TARS2: variants seen among roughly 807,000 people sequenced by gnomAD.
TARS2 encodes threonine--tRNA ligase, mitochondrial.
In TARS2, 61 loss-of-function variants were observed where a neutral mutation model predicts 94.4. The ratio of observed to expected loss-of-function variants is 0.65; its 90% CI spans 0.53 to 0.80. The LOEUF is 0.80. Among genes scored for constraint, TARS2 ranks in the 30% least tolerant of loss-of-function variants. The probability of loss-of-function intolerance (pLI) is 0.00; values close to 1 mark genes in which losing one functional copy is unlikely to be tolerated. For synonymous variants in TARS2, 359 were observed against 353.4 expected (o/e 1.02, Z -0.18); for missense variants, 704 against 902.5 (o/e 0.78, Z 2.82).
intron 3 of TARS2, 88 bp from the exon 4 acceptor site, chr1:150,490,513 C>T: frequency 6.6e-7 from 1 of 1,511,868 alleles, no homozygotes; most frequent in Admixed American, 2.3e-5. Flanking sequence ...TACCGGCTTT[C>T]CTACCAGCTT....
chr1:150,496,884 T>G lies in TARS2; in HGVS notation c.996T>G (p.Tyr332Ter), dbSNP rs1465905716. The change falls in exon 9 of 18, where the codon TAT (tyrosine) becomes TAG (stop). Residue 332 changes from tyrosine (Y) to a stop codon, truncating the protein, a stop_gained. Coordinates refer to ENST00000369064, the MANE Select transcript of TARS2 (RefSeq NM_025150.5). LOFTEE classifies it high-confidence loss of function. ...TCCTGCCACGAGGGACAAGGGTGTA[T>G]AATGCACTAGTGGCGTTTATCAGGG... ...CFFLPRGTRV[Y>*]NALVAFIRAE... 1 of 1,614,030 alleles carries G rather than the reference T, an allele frequency of 6.2e-7. No homozygotes were observed.
chr1:150,503,644 T>TATGTGTGTGTAC (rs1670053748), intron 13 of TARS2, among the ~76,000 whole-genome samples: 1 of 117,406 alleles, frequency 8.5e-6, no homozygotes, highest in Non-Finnish European at 1.8e-5. Flanking sequence ...TGTGTGTATA[T>TATGTGTGTGTAC]ATGTGTGTAT....
In TARS2 at chr1:150,498,656, A is replaced by G. The variant is rs146798333; in HGVS notation, c.1393A>G (p.Thr465Ala). ...GGATGACGCTCACATCTTCTGTACA[A>G]CAGATCAGGTGGCCTTTCCCTGGCT... ...QQDDAHIFCT[T>A]DQLEAEIQSC... Residue 465 changes from threonine (T) to alanine (A), a missense_variant, in exon 11 of 18, where the codon ACA becomes GCA. Around this residue, in one of 3 missense-constraint regions of TARS2, gnomAD observed 466 missense variants for 609.5 expected, o/e 0.76. Transcript: ENST00000369064. 8 of 1,613,362 alleles carry G rather than the reference A, an allele frequency of 5.0e-6. No individual in the cohort carries two copies. The highest frequency in any genetic ancestry group is 5.9e-6 in the Non-Finnish European group (7 of 1,179,796).
intron 13 of TARS2, among the ~76,000 whole-genome samples, chr1:150,502,808 T>C (rs1489342526): frequency 6.6e-6 from 1 of 152,246 alleles, no homozygotes; most frequent in Non-Finnish European, 1.5e-5. Context: ...GGTATTTATT[T>C]ACCTGCTTCA....
Position 150,491,112 on chromosome 1 carries a change from A to G in TARS2, c.513-282A>G, listed in dbSNP as rs77531603. 3.3e-3 allele frequency among the ~76,000 whole-genome samples: 496 copies of G among 152,268 alleles called. 3 individuals carry two copies. Among genetic ancestry groups the G allele is most frequent in the African/African-American group, 0.011 (469 of 41,558 alleles). On this transcript the variant is annotated intron_variant, in intron 4 of 17. Coordinates refer to ENST00000369064, the MANE Select transcript of TARS2 (RefSeq NM_025150.5). ...CTTACTTTGTTACTTGTTAGCTTTC[A>G]TAAATTCAAGTTTTACTTAATCGCC...
intron 7 of TARS2, among the ~76,000 whole-genome samples, chr1:150,495,092 T>G (rs1669599266): frequency 6.6e-6 from 1 of 151,716 alleles, no homozygotes; most frequent in Non-Finnish European, 1.5e-5. Flanking sequence ...GGCAGGAGAA[T>G]GGCGTGAACC....
rs1670169075 is a variant in TARS2 at position 150,505,674 on chromosome 1, G to A, written c.1977G>A (p.Arg659=). ...TGACCCTCAGCCGGAGAATCCGCCG[G>A]GCCCAGCTTGCCCACTACAATTTTC... is the stretch of plus-strand genomic sequence containing the variant. ...SGLTLSRRIR[R]AQLAHYNFQF... The change falls in exon 17 of 18, where the codon CGG becomes CGA. Residue 659 remains arginine, a synonymous_variant. Transcript: ENST00000369064. The A allele has an allele frequency of 1.9e-6, 3 of 1,613,972 alleles. No individual in the cohort carries two copies. The South Asian group carries it at 3.3e-5, about 18-fold the overall frequency.
Position 150,487,472 on chromosome 1 carries a change from C to T in TARS2, c.22C>T (p.Arg8Trp), listed in dbSNP as rs980530644. The T allele has an allele frequency of 1.9e-6, 3 of 1,614,234 alleles. No homozygotes were observed. The highest frequency in any genetic ancestry group is 2.5e-6 in the Non-Finnish European group (3 of 1,180,046). The change falls in exon 1 of 18, where the codon CGG becomes TGG. Residue 8 changes from arginine to tryptophan, a missense_variant. Physicochemically the swap from Arg to Trp is moderately radical, Grantham distance 101. This residue lies in a region of TARS2 where 208 missense variants were observed against 228.5 expected (regional missense o/e 0.91). Coordinates refer to ENST00000369064, the MANE Select transcript of TARS2 (RefSeq NM_025150.5). MALYQRW[R>W]CLRLQGLQAC... is the part of the protein sequence containing the mutation. ...GAACATGGCCCTGTATCAGAGGTGG[C>T]GGTGTCTCCGGCTCCAAGGTTTACA...
intron 10 of TARS2, 143 bp from the exon 11 acceptor site, chr1:150,498,359 A>G: frequency 1.0e-6 from 1 of 976,148 alleles, no homozygotes; most frequent in Non-Finnish European, 1.4e-6. Flanking sequence ...TGGGATTGAC[A>G]GGACTCAGTG....
intron 3 of TARS2, among the ~76,000 whole-genome samples, chr1:150,489,682 T>C (rs935290589): frequency 6.6e-6 from 1 of 152,208 alleles, no homozygotes; most frequent in Non-Finnish European, 1.5e-5. Flanking sequence ...AGCTCACGCC[T>C]GTAATCCCAG....
chr1:150,502,329 C>T (rs1408414636), intron 13 of TARS2, among the ~76,000 whole-genome samples: 1 of 151,734 alleles, frequency 6.6e-6, no homozygotes, highest in Non-Finnish European at 1.5e-5. Context: ...TCAAGCGATT[C>T]TCTTGCCTCA....
Position 150,504,621 on chromosome 1 carries a change from T to C in TARS2, c.1719-11T>C. The C allele has an allele frequency of 1.2e-6, 2 of 1,613,502 alleles. No homozygotes were observed. Among genetic ancestry groups the C allele is most frequent in the South Asian group, 1.1e-5 (1 of 91,034 alleles). ...CACCATTCCATCCACCCCCCCCTTT[T>C]TCCTTTCAAGGCAGGCGGGTGCCCT... On this transcript the variant is annotated splice_polypyrimidine_tract_variant and intron_variant, in intron 14 of 17. Coordinates refer to ENST00000369064, the MANE Select transcript of TARS2 (RefSeq NM_025150.5).
chr1:150,487,435 A>G lies in TARS2; in HGVS notation c.-16A>G, dbSNP rs1238882667. The G allele has an allele frequency of 5.6e-6, 9 of 1,614,076 alleles. No individual in the cohort carries two copies. Among genetic ancestry groups the G allele is most frequent in the Non-Finnish European group, 6.8e-6 (8 of 1,180,036 alleles). On this transcript the variant is annotated 5_prime_UTR_variant, in exon 1 of 18. Coordinates refer to ENST00000369064, the MANE Select transcript of TARS2 (RefSeq NM_025150.5). ...CGATAATCTGTTTGAGGATGTAGGC[A>G]CTGGTGTGAAGGAACATGGCCCTGT...
chr1:150,504,722 C>A lies in TARS2; in HGVS notation c.1809C>A (p.Cys603Ter), dbSNP rs752424999. Residue 603 changes from cysteine to a stop codon, truncating the protein, a stop_gained, in exon 15 of 18, where the codon TGC becomes TGA. Coordinates refer to ENST00000369064, the MANE Select transcript of TARS2 (RefSeq NM_025150.5). LOFTEE classifies it high-confidence loss of function. ...ERLLGVLAESCGGKWPLWLSP... is the reference protein window; with the variant it reads ...ERLLGVLAES ...TGTTGGGAGTGCTGGCAGAAAGCTG[C>A]GGGGGGAAATGGTGAGACCTCTGAC... The A allele has an allele frequency of 6.2e-7, 1 of 1,613,998 alleles. No homozygotes were observed. The highest frequency in any genetic ancestry group is 8.5e-7 in the Non-Finnish European group (1 of 1,180,036).
intron 2 of TARS2, 197 bp from the exon 3 acceptor site, chr1:150,488,767 C>CT: frequency 1.7e-6 from 1 of 601,814 alleles, no homozygotes; most frequent in East Asian, 3.0e-5. Context: ...CTGTCTAACT[C>CT]TATTTTTGTA....
chr1:150,503,631 A>ATATACGTG (rs1670049073), intron 13 of TARS2, among the ~76,000 whole-genome samples: 1 of 79,506 alleles, frequency 1.3e-5, no homozygotes, highest in Non-Finnish European at 3.5e-5. Flanking sequence ...GTGTGTATAT[A>ATATACGTG]TGTGTGTGTA....
Position 150,504,424 on chromosome 1 carries a change from C to T in TARS2, c.1707C>T (p.Leu569=). The part of the protein sequence containing the change: ...LDFQLPLRFD[L]QYKGQAGALE... ...TCCAACTGCCCCTGAGATTTGACCT[C>T]CAGTATAAGGGGTATAAAACCTTGC... Residue 569 remains leucine (L), a synonymous_variant, in exon 14 of 18, where the codon CTC becomes CTT. Coordinates refer to ENST00000369064, the MANE Select transcript of TARS2 (RefSeq NM_025150.5). 6.2e-7 allele frequency: 1 copy of T among 1,614,028 alleles called. No individual in the cohort carries two copies. Among genetic ancestry groups the T allele is most frequent in the Non-Finnish European group, 8.5e-7 (1 of 1,179,986 alleles).
At position 150,507,340 on chromosome 1, in the gene TARS2, C is replaced by T. The variant is rs1293800671; in HGVS notation, c.*276C>T. 3.1e-6 allele frequency: 1 copy of T among 320,348 alleles called. No homozygotes were observed. Among genetic ancestry groups the T allele is most frequent in the Non-Finnish European group, 5.8e-6 (1 of 172,010 alleles). The allele number at this position is 320,348 out of a possible 1,614,324, so 19.8% of individuals were successfully genotyped here. A position where few individuals can be genotyped will look rare whatever the true frequency, so the allele number is the denominator to read the frequency against. Reference sequence around the variant, plus strand: ...ATCCCAGCACTCTGGGAGGCTGAGGCGGACGGATCATGAGGTCAGGAGATC... The same window carrying T: ...ATCCCAGCACTCTGGGAGGCTGAGGTGGACGGATCATGAGGTCAGGAGATC... On this transcript the variant is annotated 3_prime_UTR_variant, in exon 18 of 18. Transcript: ENST00000369064.
intron 4 of TARS2, 89 bp from the exon 5 acceptor site, chr1:150,491,305 C>T: frequency 1.6e-6 from 2 of 1,278,774 alleles, no homozygotes; most frequent in Non-Finnish European, 2.3e-6. Context: ...TCTTGAAGGA[C>T]AGGACCTTAC....
Sources: allele counts gnomAD v4.1 joint callset (sites outside exome capture counted in the v4.1 genomes callset), GRCh38; gene constraint gnomAD v4.1.1; regional missense constraint gnomAD v4.1.1; transcripts MANE v1.5; gene names NCBI Gene and HGNC (gene_info 2026-07-23, HGNC 2026-07-21).